RAB3C: variants seen among roughly 807,000 people sequenced by gnomAD.
RAB3C encodes RAB3C, member RAS oncogene family.
Under a neutral mutation model 26.4 loss-of-function variants are expected in RAB3C, and 17 were observed. That is an observed-to-expected ratio of 0.64 (90% CI 0.44 to 0.97). RAB3C has a LOEUF of 0.97. Among genes scored for constraint, RAB3C ranks in the 50% least tolerant of loss-of-function variants. RAB3C has a pLI of 0.00. For missense variants in RAB3C, 242 were observed against 281.9 expected (o/e 0.86, Z 1.01); for synonymous variants, 91 against 95.9 (o/e 0.95, Z 0.30).
chr5:58,627,734 A>T (rs963249310), intron 2 of RAB3C, among the ~76,000 whole-genome samples: 1 of 152,202 alleles, frequency 6.6e-6, no homozygotes, highest in Non-Finnish European at 1.5e-5. Context: ...GAGATAAGAG[A>T]TAGCAAATGT....
intron 1 of RAB3C, among the ~76,000 whole-genome samples, chr5:58,585,532 G>A (rs1745992749): frequency 6.6e-6 from 1 of 151,728 alleles, no homozygotes; most frequent in South Asian, 2.1e-4. Context: ...TTTCTTCTCT[G>A]CTTTTAAAAA....
chr5:58,761,331 G>A (rs1741793619), intron 3 of RAB3C, among the ~76,000 whole-genome samples: 1 of 152,140 alleles, frequency 6.6e-6, no homozygotes, highest in Non-Finnish European at 1.5e-5. Flanking sequence ...TTACCTGATA[G>A]TTATATAATG....
intron 2 of RAB3C, among the ~76,000 whole-genome samples, chr5:58,626,319 G>A (rs1005966807): frequency 6.6e-6 from 1 of 152,186 alleles, no homozygotes; most frequent in African/African-American, 2.4e-5. Flanking sequence ...CTTTGTAGTA[G>A]GGGCACTGGG....
At chr5:58,763,120 A>G (rs1018599231) in intron 3 of RAB3C, among the ~76,000 whole-genome samples, 2 of 152,260 alleles carry the variant, frequency 1.3e-5, no homozygotes, top group Non-Finnish European at 2.9e-5. Flanking sequence ...CCAGTTACCT[A>G]CAACTTACAA....
chr5:58,632,482 T>C (rs1030612816), intron 2 of RAB3C, among the ~76,000 whole-genome samples: 22 of 152,230 alleles, frequency 1.4e-4, no homozygotes, highest in Non-Finnish European at 2.8e-4. Context: ...CAGTTCATCC[T>C]GTCATATTGT....
chr5:58,655,958 G>A (rs929621562), intron 2 of RAB3C, among the ~76,000 whole-genome samples: 2 of 151,850 alleles, frequency 1.3e-5, no homozygotes, highest in Non-Finnish European at 2.9e-5. Flanking sequence ...CACCACGCCC[G>A]GCTAATTTTT....
At chr5:58,767,540 A>C (rs1360506219) in intron 3 of RAB3C, among the ~76,000 whole-genome samples, 1 of 152,254 alleles carries the variant, frequency 6.6e-6, no homozygotes, top group African/African-American at 2.4e-5. Flanking sequence ...CATAAATGCA[A>C]GAAAAAGAGG....
chr5:58,850,354 C>A (rs1289273975), intron 4 of RAB3C, among the ~76,000 whole-genome samples: 1 of 152,192 alleles, frequency 6.6e-6, no homozygotes, highest in Admixed American at 6.5e-5. Flanking sequence ...ATAACAGAAG[C>A]TATGGAAAAA....
At chr5:58,797,557 C>T (rs1394354131) in intron 3 of RAB3C, among the ~76,000 whole-genome samples, 1 of 151,742 alleles carries the variant, frequency 6.6e-6, no homozygotes, top group Non-Finnish European at 1.5e-5. Flanking sequence ...AAACGTCCTC[C>T]TTCCCTCCAT....
intron 3 of RAB3C, among the ~76,000 whole-genome samples, chr5:58,798,982 T>G (rs987160716): frequency 2.0e-5 from 3 of 152,032 alleles, no homozygotes; most frequent in Non-Finnish European, 4.4e-5. Flanking sequence ...GCTGAGACAA[T>G]AGCTAAATGT....
At chr5:58,697,045 C>A (rs1233646305) in intron 2 of RAB3C, among the ~76,000 whole-genome samples, 1 of 152,148 alleles carries the variant, frequency 6.6e-6, no homozygotes, top group Non-Finnish European at 1.5e-5. Context: ...TTCCTGCTGT[C>A]TCTTGTGGGC....
At chr5:58,675,171 A>T (rs111724269) in intron 2 of RAB3C, among the ~76,000 whole-genome samples, 49 of 152,152 alleles carry the variant, frequency 3.2e-4, no homozygotes, top group African/African-American at 1.2e-3. Flanking sequence ...TACCTTTCTG[A>T]AAAACATTTT....
chr5:58,729,394 G>T (rs1481294572), intron 3 of RAB3C, among the ~76,000 whole-genome samples: 2 of 151,590 alleles, frequency 1.3e-5, no homozygotes, highest in Non-Finnish European at 2.9e-5. Flanking sequence ...ATATTTAAAT[G>T]GTAACTCCCC....
chr5:58,812,242 T>TAAAAG (rs1743107930), intron 3 of RAB3C, among the ~76,000 whole-genome samples: 1 of 151,930 alleles, frequency 6.6e-6, no homozygotes, highest in Non-Finnish European at 1.5e-5. Context: ...CCCAAGGTCA[T>TAAAAG]AAAAGGGGGT....
At chr5:58,649,480 A>G (rs183667250) in intron 2 of RAB3C, among the ~76,000 whole-genome samples, 1 of 151,960 alleles carries the variant, frequency 6.6e-6, no homozygotes. Context: ...TTGCCAGGAT[A>G]CAGACCTACT....
intron 2 of RAB3C, among the ~76,000 whole-genome samples, chr5:58,626,782 A>T (rs1747061376): frequency 6.6e-6 from 1 of 152,214 alleles, no homozygotes; most frequent in Non-Finnish European, 1.5e-5. Context: ...TATGGGCCAA[A>T]CCTATTTAAC....
chr5:58,710,583 A>T (rs1470493602), intron 2 of RAB3C, among the ~76,000 whole-genome samples: 1 of 149,540 alleles, frequency 6.7e-6, no homozygotes, highest in Non-Finnish European at 1.5e-5. Flanking sequence ...TGGGCAAAAG[A>T]GCAAGACTCT....
chr5:58,815,873 A>T (rs189081397), intron 3 of RAB3C: 102 of 152,272 alleles, frequency 6.7e-4, no homozygotes, highest in African/African-American at 2.1e-3. Context: ...TACAAGGCAT[A>T]TGTGGGCCTG....
At chr5:58,769,863 G>A (rs779604636) in intron 3 of RAB3C, among the ~76,000 whole-genome samples, 1 of 152,108 alleles carries the variant, frequency 6.6e-6, no homozygotes, top group Non-Finnish European at 1.5e-5. Context: ...GCTCTGAAGA[G>A]TGTTACTGAA....
Sources: allele counts gnomAD v4.1 joint callset (sites outside exome capture counted in the v4.1 genomes callset), GRCh38; gene constraint gnomAD v4.1.1; transcripts MANE v1.5; gene names NCBI Gene and HGNC (gene_info 2026-07-23, HGNC 2026-07-21).